CACNA2D4: variants seen among roughly 807,000 people sequenced by gnomAD.
CACNA2D4 encodes the protein voltage-dependent calcium channel subunit alpha-2/delta-4.
A neutral mutation model predicts 163.8 loss-of-function variants in CACNA2D4; 157 were observed. That is an observed-to-expected ratio of 0.96 (90% confidence interval 0.84 to 1.09). CACNA2D4 has a LOEUF of 1.09. Among genes scored for constraint, CACNA2D4 ranks in the 50% least tolerant of loss-of-function variants. The probability of loss-of-function intolerance (pLI) is 0.00; values close to 1 mark genes in which losing one functional copy is unlikely to be tolerated. For synonymous variants in CACNA2D4, 598 were observed against 586.9 expected, an observed-to-expected ratio of 1.02 and a Z score of -0.27; for missense variants, 1,410 against 1,479.9, an observed-to-expected ratio of 0.95 and a Z score of 0.78.
chr12:1,845,790 C>T (rs556947506), intron 24 of CACNA2D4, among the ~76,000 whole-genome samples: 75 of 152,334 alleles, frequency 4.9e-4, no homozygotes, highest in Non-Finnish European at 8.4e-4. Flanking sequence ...GCCTTGGCAC[C>T]GGTGACATTT....
At position 1,820,824 on chromosome 12, in the gene CACNA2D4, G is replaced by A. The variant is rs945245866; in HGVS notation, c.2552-9101C>T. ...GTCAGAGTAAAGACGGGTGAGTACC[G>A]AGTGGCTGGTAGGAAGGAATGGAGG... On this transcript the variant is annotated intron_variant, in intron 26 of 37. Transcript: ENST00000382722. This position sits in a 1 kb window ranked among gnomAD's most constrained non-coding sequence, Gnocchi z 6.0. 2 of 152,356 alleles carry A rather than the reference G, an allele frequency of 1.3e-5. No individual in the cohort carries two copies. The highest frequency in any genetic ancestry group is 2.4e-5 in the African/African-American group (1 of 41,458). The allele number at this position is 152,356 out of a possible 1,614,324, so 9.4% of individuals were successfully genotyped here.
intron 24 of CACNA2D4, among the ~76,000 whole-genome samples, chr12:1,845,038 G>A (rs879905564): frequency 6.6e-6 from 1 of 151,748 alleles, no homozygotes; most frequent in Admixed American, 6.6e-5. Context: ...GCCCACAGAA[G>A]GGAGTGTTCG....
rs145150489 is a variant in CACNA2D4 at position 1,793,713 on chromosome 12, G to T, written c.3356C>A (p.Pro1119Gln). 9.3e-6 allele frequency: 15 copies of T among 1,613,468 alleles called. No homozygotes were observed. The highest frequency in any genetic ancestry group is 1.6e-4 in the Middle Eastern group (1 of 6,068). Reference sequence around the variant, plus strand: ...ACACACAGGCAGCAGGAGTAGGGGCGGCGAGGCTGAGGTGTCCGAGGCGCC... The same window carrying T: ...ACACACAGGCAGCAGGAGTAGGGGCTGCGAGGCTGAGGTGTCCGAGGCGCC... ...CGGASDTSAS[P>Q]PLLLLPVCAW... The change falls in exon 38 of 38, where the codon CCG becomes CAG. Residue 1119 changes from proline (P) to glutamine (Q), a missense_variant. Transcript: ENST00000382722.
At chr12:1,830,824 C>A in intron 26 of CACNA2D4, 3 of 884,904 alleles carry the variant, frequency 3.4e-6, no homozygotes, top group Non-Finnish European at 3.4e-6. Context: ...GTGGCTTGTG[C>A]CAAAGGAGAT....
In CACNA2D4 at chr12:1,884,272, C is replaced by T. The variant is rs776428196; in HGVS notation, c.1322G>A (p.Arg441His). 8.7e-6 allele frequency: 14 copies of T among 1,612,204 alleles called. No homozygotes were observed. The highest frequency in any genetic ancestry group is 2.2e-5 in the South Asian group (2 of 90,360). ...GTTGTTGCATGCAATCCACTTCATG[C>T]GGTCAGCAAAAGACACTTCTCTCCC... The part of the protein sequence containing the change: ...LIGREVSFAD[R>H]MKWIACNNKG... The change falls in exon 12 of 38, where the codon CGC (arginine) becomes CAC (histidine). Residue 441 changes from arginine (R) to histidine (H), a missense_variant. By Grantham distance (29) the Arg-to-His change is conservative (BLOSUM62 0). Transcript: ENST00000382722.
chr12:1,908,254 T>A (rs1866716484), intron 4 of CACNA2D4, among the ~76,000 whole-genome samples: 1 of 152,216 alleles, frequency 6.6e-6, no homozygotes, highest in South Asian at 2.1e-4. Context: ...AGGCCGACGT[T>A]TGATGACAGT....
intron 8 of CACNA2D4, 32 bp from the exon 9 acceptor site, chr12:1,886,071 G>T: frequency 6.3e-7 from 1 of 1,585,728 alleles, no homozygotes; most frequent in Non-Finnish European, 8.7e-7. Context: ...GGGAGGTGGG[G>T]GGAGAATAAA....
At chr12:1,899,437 C>T (rs545461863) in intron 6 of CACNA2D4, among the ~76,000 whole-genome samples, 27 of 151,964 alleles carry the variant, frequency 1.8e-4, no homozygotes, top group African/African-American at 6.3e-4. Context: ...AGAAAAAATG[C>T]ATAATACTGT....
chr12:1,831,554 G>C (rs199876665), intron 26 of CACNA2D4: 1 of 1,568,116 alleles, frequency 6.4e-7, no homozygotes, highest in Admixed American at 1.7e-5. Flanking sequence ...GCTGGGGCCC[G>C]AGGGATTGGG....
intron 16 of CACNA2D4, among the ~76,000 whole-genome samples, chr12:1,877,829 C>T (rs1308899560): frequency 2.0e-5 from 3 of 152,336 alleles, no homozygotes; most frequent in Non-Finnish European, 4.4e-5. Flanking sequence ...CTTTCTTCCT[C>T]AGCCATCAGA....
chr12:1,800,490 G>GCT, intron 31 of CACNA2D4, 52 bp from the exon 32 acceptor site: 1 of 1,382,226 alleles, frequency 7.2e-7, no homozygotes, highest in Non-Finnish European at 9.9e-7. Flanking sequence ...GGGTGAGGGT[G>GCT]CCCCCCCCCC....
intron 3 of CACNA2D4, among the ~76,000 whole-genome samples, chr12:1,911,948 C>T (rs1195906273): frequency 6.6e-6 from 1 of 152,224 alleles, no homozygotes; most frequent in Non-Finnish European, 1.5e-5. Context: ...AGGATAGGCT[C>T]TTGAGTCCCC....
At chr12:1,850,006 T>C (rs1190892982) in intron 23 of CACNA2D4, among the ~76,000 whole-genome samples, 1 of 152,202 alleles carries the variant, frequency 6.6e-6, no homozygotes, top group East Asian at 1.9e-4. Context: ...CAATCTTCTA[T>C]TGTTATTAAA....
Position 1,878,818 on chromosome 12 carries a change from C to G in CACNA2D4, c.1644+138G>C, listed in dbSNP as rs1311637841. 14 of 700,634 alleles carry G rather than the reference C, an allele frequency of 2.0e-5. No homozygotes were observed. The East Asian group carries it at 3.8e-4, about 19-fold the overall frequency. The allele number at this position is 700,634 out of a possible 1,614,324, so 43.4% of individuals were successfully genotyped here. The stretch of plus-strand genomic sequence containing the variant: ...CAGTTGCTGCTCCCCTGCTCAGCAC[C>G]TGCACTTCTTGGGCAGTGATGGAGG... On this transcript the variant is annotated intron_variant, in intron 15 of 37. Coordinates refer to ENST00000382722, the MANE Select transcript of CACNA2D4 (RefSeq NM_172364.5). The surrounding 1 kb of genome is among the most constrained non-coding windows in gnomAD (Gnocchi z 4.6).
intron 6 of CACNA2D4, among the ~76,000 whole-genome samples, chr12:1,903,278 G>A (rs1866578823): frequency 1.3e-5 from 2 of 151,986 alleles, no homozygotes; most frequent in Non-Finnish European, 2.9e-5. Flanking sequence ...GAAAACATTG[G>A]GGAAACTCTC....
intron 13 of CACNA2D4, 120 bp downstream of exon 13, chr12:1,882,747 A>C (rs1436958008): frequency 2.0e-6 from 2 of 1,018,382 alleles, no homozygotes; most frequent in African/African-American, 3.2e-5. Context: ...GCCCCTTCTT[A>C]ATGTTCCCTA....
rs748400853 is a variant in CACNA2D4 at position 1,795,739 on chromosome 12, AGG to A, written c.3153_3154del (p.Leu1052ProfsTer8). The A allele has an allele frequency of 6.2e-7, 1 of 1,613,486 alleles. No individual in the cohort carries two copies. The highest frequency in any genetic ancestry group is 2.2e-5 in the East Asian group (1 of 44,858). Reference sequence around the variant, plus strand: ...GTCACAGGTGGGGTCTGTCACCAGGAGGAGGAGGTTACTGTTGGGAATCTGCT... The same window carrying A: ...GTCACAGGTGGGGTCTGTCACCAGGAAGGAGGTTACTGTTGGGAATCTGCT... On this transcript the variant is annotated frameshift_variant, in exon 36 of 38. Coordinates refer to ENST00000382722, the MANE Select transcript of CACNA2D4 (RefSeq NM_172364.5). LOFTEE classifies it high-confidence loss of function.
rs917125080 is a variant in CACNA2D4, at chr12:1,843,395, G to A, written c.2470+1007C>T. ...TTTGGCAGAAGGGCGTCCTAAAGGGGAAGTTCTGAGTGACCCCAGCCCTGA... is the reference window on the plus strand; with the variant it reads ...TTTGGCAGAAGGGCGTCCTAAAGGGAAAGTTCTGAGTGACCCCAGCCCTGA... On this transcript the variant is annotated intron_variant, in intron 25 of 37. Coordinates refer to ENST00000382722, the MANE Select transcript of CACNA2D4 (RefSeq NM_172364.5). This position sits in a 1 kb window ranked among gnomAD's most constrained non-coding sequence, Gnocchi z 4.6. 6.6e-6 allele frequency among the ~76,000 whole-genome samples: 1 copy of A among 152,212 alleles called. No individual in the cohort carries two copies. Among genetic ancestry groups the A allele is most frequent in the Non-Finnish European group, 1.5e-5 (1 of 68,040 alleles).
chr12:1,878,232 T>G lies in CACNA2D4; in HGVS notation c.1719+83A>C. 4.8e-6 allele frequency: 7 copies of G among 1,450,090 alleles called. No homozygotes were observed. Among genetic ancestry groups the G allele is most frequent in the Non-Finnish European group, 6.6e-6 (7 of 1,054,194 alleles). The allele number at this position is 1,450,090 out of a possible 1,614,324, so 89.8% of individuals were successfully genotyped here. A position where few individuals can be genotyped will look rare whatever the true frequency, so the allele number is the denominator to read the frequency against. The stretch of plus-strand genomic sequence containing the variant: ...GGGTTCCTAAATGGAGCCCAATGTG[T>G]GTTTGTTGTTTTAATCGTTTTTGTG... On this transcript the variant is annotated intron_variant, in intron 16 of 37. Coordinates refer to ENST00000382722, the MANE Select transcript of CACNA2D4 (RefSeq NM_172364.5). The surrounding 1 kb of genome is among the most constrained non-coding windows in gnomAD (Gnocchi z 4.6).
Sources: gnomAD v4.1 joint callset for allele counts (sites outside exome capture counted in the v4.1 genomes callset) on GRCh38, gnomAD v4.1.1 for gene constraint, Gnocchi (gnomAD v3.1) non-coding constraint, MANE v1.5 for transcripts, NCBI Gene and HGNC (gene_info 2026-07-23, HGNC 2026-07-21) for gene names.